TRIM2: variants seen among roughly 807,000 people sequenced by gnomAD.
TRIM2 encodes the protein tripartite motif-containing protein 2.
Under a neutral mutation model 75.2 loss-of-function variants are expected in TRIM2, and 20 were observed. That is an observed-to-expected ratio of 0.27 (90% confidence interval 0.19 to 0.39). The LOEUF is 0.39. Among genes scored for constraint, TRIM2 ranks in the 10% least tolerant of loss-of-function variants. The pLI is 1.00. For missense variants in TRIM2, 660 were observed against 990.8 expected (o/e 0.67, Z 4.48); for synonymous variants, 373 against 388.3 (o/e 0.96, Z 0.46).
At chr4:153,301,073 C>T (rs1163780534) in intron 6 of TRIM2, among the ~76,000 whole-genome samples, 3 of 151,860 alleles carry the variant, frequency 2.0e-5, no homozygotes, top group Admixed American at 6.6e-5. Flanking sequence ...TGCCTGTAGT[C>T]CCAGCTACTC....
intron 8 of TRIM2, among the ~76,000 whole-genome samples, chr4:153,317,349 T>C (rs1326048516): frequency 6.6e-6 from 1 of 151,674 alleles, no homozygotes; most frequent in Admixed American, 6.6e-5. Context: ...AAAATTTTGA[T>C]TTAAAAAAGA....
chr4:153,181,633 A>G (rs1016986779), intron 1 of TRIM2, among the ~76,000 whole-genome samples: 1 of 152,150 alleles, frequency 6.6e-6, no homozygotes, highest in African/African-American at 2.4e-5. Context: ...TATGGGGCAT[A>G]GGGCTAGACA....
chr4:153,239,220 C>T (rs4696178), intron 1 of TRIM2, among the ~76,000 whole-genome samples: 45,064 of 151,602 alleles, frequency 0.3, 9,643 homozygotes, highest in African/African-American at 0.61. Flanking sequence ...GGCGTCGTGG[C>T]GGGCACCTGT....
At chr4:153,191,619 G>A (rs1733197524) in intron 1 of TRIM2, among the ~76,000 whole-genome samples, 1 of 152,214 alleles carries the variant, frequency 6.6e-6, no homozygotes, top group South Asian at 2.1e-4. Context: ...CACAATTCTG[G>A]AGAGGCATTC....
chr4:153,153,435 G>T (rs894083559), intron 1 of TRIM2, among the ~76,000 whole-genome samples: 2 of 152,078 alleles, frequency 1.3e-5, no homozygotes, highest in African/African-American at 4.8e-5. Context: ...TGGAGGTGGT[G>T]CGCGCTGGCG....
At chr4:153,202,434 T>C (rs371543894), upstream of TRIM2, among the ~76,000 whole-genome samples, 26 of 152,304 alleles carry the variant, frequency 1.7e-4, no homozygotes, top group East Asian at 4.6e-3. Flanking sequence ...CGTTGGCTCG[T>C]GCCTGTAATC....
intron 8 of TRIM2, 136 bp downstream of exon 8, chr4:153,316,135 A>AGTTTGTGAACTTAGAT: frequency 1.3e-6 from 1 of 794,974 alleles, no homozygotes; most frequent in South Asian, 2.1e-5. Context: ...CTGACATCTA[A>AGTTTGTGAACTTAGAT]GTTTGTGAAG....
At chr4:153,196,175 C>T (rs1362163630) in intron 1 of TRIM2, among the ~76,000 whole-genome samples, 1 of 152,162 alleles carries the variant, frequency 6.6e-6, no homozygotes, top group African/African-American at 2.4e-5. Context: ...CCTGTAATCC[C>T]AGCACGTCGG....
intron 11 of TRIM2, among the ~76,000 whole-genome samples, chr4:153,333,468 G>A (rs1771944723): frequency 6.6e-6 from 1 of 152,172 alleles, no homozygotes; most frequent in African/African-American, 2.4e-5. Context: ...TGGGTTTTGT[G>A]TGGTACCATA....
At chr4:153,312,886 T>C (rs1301017164) in intron 6 of TRIM2, among the ~76,000 whole-genome samples, 1 of 152,128 alleles carries the variant, frequency 6.6e-6, no homozygotes, top group Non-Finnish European at 1.5e-5. Flanking sequence ...TTCTAGCCCA[T>C]CTGTTTTGCT....
intron 1 of TRIM2, among the ~76,000 whole-genome samples, chr4:153,244,293 TCCTCCTCCTCCTCC>T (rs1560873507): frequency 8.5e-5 from 3 of 35,216 alleles, no homozygotes; most frequent in Non-Finnish European, 1.4e-4. Context: ...CTCCTCCTCC[TCCTCCTCCTCCTCC>T]TCCTCCTCCT....
chr4:153,237,252 C>T (rs891217445), intron 1 of TRIM2, among the ~76,000 whole-genome samples: 1 of 152,130 alleles, frequency 6.6e-6, no homozygotes, highest in Non-Finnish European at 1.5e-5. Context: ...GGCATGTAAA[C>T]ATTAGTACCA....
chr4:153,155,545 G>A (rs4235229), intron 1 of TRIM2, among the ~76,000 whole-genome samples: 45,945 of 152,008 alleles, frequency 0.3, 7,223 homozygotes, highest in Non-Finnish European at 0.36. Flanking sequence ...TGTGTGAGGG[G>A]CTGAGAAGGA....
chr4:153,318,350 T>C (rs1197555426), intron 8 of TRIM2, among the ~76,000 whole-genome samples: 1 of 152,192 alleles, frequency 6.6e-6, no homozygotes, highest in Non-Finnish European at 1.5e-5. Flanking sequence ...TGAGCCTCTG[T>C]TTTGTGTGAG....
At chr4:153,186,572 A>G (rs1560794577) in intron 1 of TRIM2, among the ~76,000 whole-genome samples, 1 of 151,874 alleles carries the variant, frequency 6.6e-6, no homozygotes, top group Admixed American at 6.6e-5. Flanking sequence ...CGCTCAAGGG[A>G]CAGCCCAGAG....
At chr4:153,157,592 G>A (rs1394658095) in intron 1 of TRIM2, among the ~76,000 whole-genome samples, 1 of 152,152 alleles carries the variant, frequency 6.6e-6, no homozygotes, top group Admixed American at 6.5e-5. Context: ...CTCTACCCTG[G>A]CATAATCTCT....
intron 6 of TRIM2, among the ~76,000 whole-genome samples, chr4:153,304,652 G>C (rs1477039396): frequency 6.6e-6 from 1 of 152,130 alleles, no homozygotes; most frequent in Non-Finnish European, 1.5e-5. Flanking sequence ...CTCTGAACCT[G>C]TGTTCCTCAA....
At chr4:153,181,095 GA>G (rs1215630741) in intron 1 of TRIM2, among the ~76,000 whole-genome samples, 2 of 152,308 alleles carry the variant, frequency 1.3e-5, no homozygotes, top group African/African-American at 2.4e-5. Context: ...ATGATAAAAA[GA>G]GAGAACTCTC....
At position 153,294,383 on chromosome 4, in the gene TRIM2, G is replaced by A. The variant is rs1243448830; in HGVS notation, c.684G>A (p.Val228=). 2 of 1,614,004 alleles carry A rather than the reference G, an allele frequency of 1.2e-6. No individual in the cohort carries two copies. The highest frequency in any genetic ancestry group is 1.7e-6 in the Non-Finnish European group (2 of 1,180,026). Residue 228 remains valine (V), a synonymous_variant, in exon 5 of 12, where the codon GTG becomes GTA. Coordinates refer to ENST00000338700, the MANE Select transcript of TRIM2 (RefSeq NM_015271.5). Reference sequence around the variant, plus strand: ...TAACCAACCAAAAGGCCAGCATCGTGGATGACATTCATTCCACCTTTGATG... The same window carrying A: ...TAACCAACCAAAAGGCCAGCATCGTAGATGACATTCATTCCACCTTTGATG... ...HQLTNQKASI[V]DDIHSTFDEL... is the part of the protein sequence containing the mutation.
Sources: gnomAD v4.1 joint callset for allele counts (sites outside exome capture counted in the v4.1 genomes callset) on GRCh38, gnomAD v4.1.1 for gene constraint, MANE v1.5 for transcripts, NCBI Gene and HGNC (gene_info 2026-07-23, HGNC 2026-07-21) for gene names.